SGSM1: variants seen among roughly 807,000 people sequenced by gnomAD.
SGSM1 encodes the protein small G protein signaling modulator 1.
Under a neutral mutation model 133.8 loss-of-function variants are expected in SGSM1, and 73 were observed. That is an observed-to-expected ratio of 0.55 (90% CI 0.45 to 0.66). The LOEUF is 0.66. Ranked by LOEUF, SGSM1 falls within the 30% of genes least tolerant of loss-of-function variation. SGSM1 has a pLI of 0.00. For missense variants in SGSM1, 1,213 were observed against 1,448.1 expected (o/e 0.84, Z 2.64); for synonymous variants, 563 against 573.0 (o/e 0.98, Z 0.25).
chr22:24,905,731 G>A (rs1351523251), intron 21 of SGSM1, among the ~76,000 whole-genome samples: 3 of 149,866 alleles, frequency 2.0e-5, no homozygotes, highest in Non-Finnish European at 3.0e-5. Context: ...GGAGCTTGCA[G>A]TGAACCGAGA....
At chr22:24,900,800 C>G (rs1000038528) in intron 19 of SGSM1, among the ~76,000 whole-genome samples, 24 of 152,266 alleles carry the variant, frequency 1.6e-4, no homozygotes, top group African/African-American at 5.8e-4. Flanking sequence ...TGTATTTATG[C>G]CAACCATCAC....
chr22:24,894,265 C>T (rs1428950167), intron 17 of SGSM1, among the ~76,000 whole-genome samples: 2 of 152,174 alleles, frequency 1.3e-5, no homozygotes, highest in African/African-American at 2.4e-5. Context: ...ATTAGCTGAG[C>T]GCCTGTAATC....
chr22:24,853,732 G>A (rs768700719), intron 5 of SGSM1, among the ~76,000 whole-genome samples: 6 of 150,728 alleles, frequency 4.0e-5, no homozygotes, highest in Admixed American at 6.6e-5. Context: ...TCAGCCTCCC[G>A]AGTAGCTGGG....
intron 24 of SGSM1, 76 bp from the exon 25 acceptor site, chr22:24,924,110 C>A: frequency 7.5e-7 from 1 of 1,338,604 alleles, no homozygotes; most frequent in Non-Finnish European, 1.1e-6. Context: ...CCCAGAGAAG[C>A]CTCCAGGGGC....
chr22:24,851,100 CAAAAAAAA>C (rs68153757), intron 5 of SGSM1, among the ~76,000 whole-genome samples: 6 of 95,782 alleles, frequency 6.3e-5, no homozygotes, highest in Admixed American at 1.1e-4. Context: ...GACTCCATCT[CAAAAAAAA>C]AAAAAAAAAA....
At chr22:24,827,450 G>T (rs552526269) in intron 2 of SGSM1, among the ~76,000 whole-genome samples, 1 of 152,104 alleles carries the variant, frequency 6.6e-6, no homozygotes, top group Non-Finnish European at 1.5e-5. Flanking sequence ...ACGTGGTGGG[G>T]CAGGTGCTCA....
chr22:24,807,675 G>T (rs1184519293), intron 2 of SGSM1, among the ~76,000 whole-genome samples: 2 of 152,176 alleles, frequency 1.3e-5, no homozygotes. Context: ...GACATCGTGG[G>T]CTGGCCTGGT....
intron 14 of SGSM1, among the ~76,000 whole-genome samples, chr22:24,879,875 T>A (rs1461313550): frequency 6.6e-6 from 1 of 152,188 alleles, no homozygotes; most frequent in Non-Finnish European, 1.5e-5. Context: ...TAGTATTGCA[T>A]GCTGTAGGTG....
rs1283508843 is a variant in SGSM1, at chr22:24,857,684, G to T, written c.801+2004G>T. ...CACTTTTTGACTTAGAGTCATCAGT[G>T]CCCTCATTTTTCCACACATTGTTTT... On this transcript the variant is annotated intron_variant, in intron 8 of 24. Coordinates refer to ENST00000400358, the MANE Select transcript of SGSM1 (RefSeq NM_001098497.3). Among the ~76,000 whole-genome samples, 5 of 152,242 alleles carry T rather than the reference G, an allele frequency of 3.3e-5. No individual in the cohort carries two copies. The East Asian group carries it at 9.7e-4, about 29-fold the overall frequency.
intron 19 of SGSM1, among the ~76,000 whole-genome samples, chr22:24,900,682 C>T (rs1056514188): frequency 6.6e-6 from 1 of 152,178 alleles, no homozygotes; most frequent in Non-Finnish European, 1.5e-5. Context: ...CAGGCATGAG[C>T]CACGGCGCCC....
intron 9 of SGSM1, among the ~76,000 whole-genome samples, chr22:24,865,888 G>A (rs1453620830): frequency 2.0e-5 from 3 of 152,146 alleles, no homozygotes; most frequent in Non-Finnish European, 4.4e-5. Context: ...GGAGTTCCTT[G>A]TCTTGCAGGA....
chr22:24,856,511 CT>C (rs1476179374), intron 8 of SGSM1, among the ~76,000 whole-genome samples: 4 of 152,180 alleles, frequency 2.6e-5, no homozygotes, highest in African/African-American at 7.2e-5. Context: ...CAGTTCCTGC[CT>C]TCATGCAGTG....
intron 16 of SGSM1, among the ~76,000 whole-genome samples, chr22:24,891,551 G>A (rs1170699777): frequency 6.6e-6 from 1 of 152,156 alleles, no homozygotes; most frequent in East Asian, 1.9e-4. Flanking sequence ...CAGTACTAGT[G>A]TGAGGCCCCT....
At chr22:24,861,959 T>TC (rs1386089029) in intron 9 of SGSM1, among the ~76,000 whole-genome samples, 22 of 149,482 alleles carry the variant, frequency 1.5e-4, no homozygotes, top group South Asian at 6.3e-4. Context: ...TTTCTTTCTT[T>TC]TTTTTTTTTT....
intron 18 of SGSM1, among the ~76,000 whole-genome samples, chr22:24,895,560 C>T (rs1932895240): frequency 6.6e-6 from 1 of 152,224 alleles, no homozygotes; most frequent in African/African-American, 2.4e-5. Flanking sequence ...CTTGAAATAA[C>T]ACCACTATCA....
chr22:24,878,492 C>T (rs146089717), intron 13 of SGSM1, among the ~76,000 whole-genome samples: 116 of 152,306 alleles, frequency 7.6e-4, no homozygotes, highest in African/African-American at 2.6e-3. Flanking sequence ...TCCTAACTGT[C>T]TCAATGTGCC....
At chr22:24,901,982 T>G in intron 20 of SGSM1, 25 bp downstream of exon 20, 1 of 675,802 alleles carries the variant, frequency 1.5e-6, no homozygotes. Flanking sequence ...CGAGGGGATC[T>G]AGGGGATGGG....
chr22:24,842,605 G>T (rs1041524789), intron 2 of SGSM1, among the ~76,000 whole-genome samples: 1 of 152,284 alleles, frequency 6.6e-6, no homozygotes, highest in South Asian at 2.1e-4. Flanking sequence ...CCCTCATGGG[G>T]ATCAGAGCCT....
At position 24,924,437 on chromosome 22, in the gene SGSM1, CAG is replaced by C; in HGVS notation, c.*165_*166del. On this transcript the variant is annotated 3_prime_UTR_variant, in exon 25 of 25. Transcript: ENST00000400358. ...AACTACCCTGACTTTTACTTCTGGG[CAG>C]ATGGGGTGGAGGGAGTACCCCTTCA... The C allele has an allele frequency of 1.6e-6, 1 of 625,626 alleles. No homozygotes were observed. Among genetic ancestry groups the C allele is most frequent in the Non-Finnish European group, 2.9e-6 (1 of 350,122 alleles). 38.8% of individuals were successfully genotyped at this position (625,626 alleles called of 1,614,324 possible). A position where few individuals can be genotyped will look rare whatever the true frequency, so the allele number is the denominator to read the frequency against.
Sources: allele counts gnomAD v4.1 joint callset (sites outside exome capture counted in the v4.1 genomes callset), GRCh38; gene constraint gnomAD v4.1.1; transcripts MANE v1.5; gene names NCBI Gene and HGNC (gene_info 2026-07-23, HGNC 2026-07-21).